CELF1: variants seen among roughly 807,000 people sequenced by gnomAD.
The protein encoded by CELF1 is CUGBP Elav-like family member 1, also known as 50 kDa nuclear polyadenylated RNA-binding protein.
In CELF1, 10 loss-of-function variants were observed where a neutral mutation model predicts 61.8. That is an observed-to-expected ratio of 0.16 (90% CI 0.10 to 0.27). The LOEUF is 0.27. Among genes scored for constraint, CELF1 ranks in the 10% least tolerant of loss-of-function variants. The probability of loss-of-function intolerance (pLI) is 1.00; values close to 1 mark genes in which losing one functional copy is unlikely to be tolerated. For missense variants in CELF1, 380 were observed against 639.1 expected (o/e 0.59, Z 4.37); for synonymous variants, 236 against 225.1 (o/e 1.05, Z -0.43).
In CELF1 at chr11:47,489,935, GTTTT is replaced by G. The variant is rs561900704; in HGVS notation, c.72-915_72-912del. ...GTTTCCACTCAGAACATACCATCTT[GTTTT>G]TTTTTTTTTTTTTTTTGAGACGGAA... On this transcript the variant is annotated intron_variant, in intron 3 of 14. Transcript: ENST00000687097. Among the ~76,000 whole-genome samples, 115 of 48,236 alleles carry G rather than the reference GTTTT, an allele frequency of 2.4e-3. 9 individuals are homozygous for G. The highest frequency in any genetic ancestry group is 0.028 in the Middle Eastern group (1 of 36). 31.6% of individuals were successfully genotyped at this position (48,236 alleles called of 152,430 possible).
intron 1 of CELF1, among the ~76,000 whole-genome samples, chr11:47,502,136 G>C (rs971497486): frequency 6.6e-6 from 1 of 152,152 alleles, no homozygotes; most frequent in Admixed American, 6.5e-5. Flanking sequence ...TTCAAAAGAA[G>C]TCTCCAGAGG....
intron 1 of CELF1, among the ~76,000 whole-genome samples, chr11:47,504,902 CAAA>C (rs374401044): frequency 1.0e-4 from 11 of 107,890 alleles, no homozygotes; most frequent in Admixed American, 2.0e-4. Context: ...ACTCTGTCAC[CAAA>C]AAAAAAAAAA....
chr11:47,486,423 T>G (rs1312174352), intron 6 of CELF1, among the ~76,000 whole-genome samples: 1 of 151,994 alleles, frequency 6.6e-6, no homozygotes. Context: ...ATCTTTTTTT[T>G]TTTTGAGACA....
chr11:47,506,964 C>T (rs1328702835), intron 1 of CELF1: 1 of 152,144 alleles, frequency 6.6e-6, no homozygotes, highest in Non-Finnish European at 1.5e-5. Context: ...CCAGATATAT[C>T]ACCTCTTTCC....
intron 1 of CELF1, among the ~76,000 whole-genome samples, chr11:47,502,176 A>G (rs1295493631): frequency 3.9e-5 from 6 of 152,216 alleles, no homozygotes. Context: ...GAAAATAGAA[A>G]GCAGGGCCCA....
At chr11:47,492,879 C>A (rs1047662685) in intron 3 of CELF1, among the ~76,000 whole-genome samples, 2 of 152,130 alleles carry the variant, frequency 1.3e-5, no homozygotes, top group Non-Finnish European at 2.9e-5. Flanking sequence ...TAACAAAGAA[C>A]CCCAATGGTG....
At chr11:47,563,575 G>C (rs1249396727) in intron 2 of CELF1, among the ~76,000 whole-genome samples, 1 of 152,168 alleles carries the variant, frequency 6.6e-6, no homozygotes, top group Non-Finnish European at 1.5e-5. Flanking sequence ...TGTAGTTCTA[G>C]CTACTGGGGA....
In CELF1 at chr11:47,469,023, T is replaced by G. The variant is rs2077138605; in HGVS notation, c.*3207A>C. The G allele has an allele frequency of 6.6e-6, 1 of 152,134 alleles. No individual in the cohort carries two copies. The highest frequency in any genetic ancestry group is 1.5e-5 in the Non-Finnish European group (1 of 68,080). The allele number at this position is 152,134 out of a possible 1,614,324, so 9.4% of individuals were successfully genotyped here. ...TGAAATGAGGTGGGCGGGCAGGGGT[T>G]GGGTAATGACAGGGAACTTTTGCAC... On this transcript the variant is annotated 3_prime_UTR_variant, in exon 15 of 15. Transcript: ENST00000687097.
At chr11:47,531,936 A>C (rs1445216974) in intron 1 of CELF1, among the ~76,000 whole-genome samples, 2 of 152,056 alleles carry the variant, frequency 1.3e-5, no homozygotes, top group African/African-American at 2.4e-5. Context: ...TTAAAGAATT[A>C]TTTTTCTTGT....
chr11:47,478,911 G>C lies in CELF1; in HGVS notation c.810C>G (p.Asn270Lys). The change falls in exon 10 of 15, where the codon AAC becomes AAG. Residue 270 changes from asparagine (N) to lysine (K), a missense_variant. Physicochemically the swap from Asn to Lys is moderately conservative, Grantham distance 94. Transcript: ENST00000687097. ...QLLQQTASSGNLNTLSSLHPM... is the reference protein window; with the variant it reads ...QLLQQTASSGKLNTLSSLHPM... ...GGTGGAGGCTGCTCAGGGTGTTGAG[G>C]TTCCCAGAGGAGGCAGTCTGCTGAA... 6.2e-7 allele frequency: 1 copy of C among 1,613,298 alleles called. No homozygotes were observed. The highest frequency in any genetic ancestry group is 8.5e-7 in the Non-Finnish European group (1 of 1,179,666).
At chr11:47,564,494 A>C (rs950596522) in intron 1 of CELF1, 39 of 150,506 alleles carry the variant, frequency 2.6e-4, no homozygotes, top group African/African-American at 9.1e-4. Context: ...AAAAACAAAA[A>C]ACAAAAACTC....
chr11:47,550,403 C>T (rs1165682450), intron 1 of CELF1, among the ~76,000 whole-genome samples: 1 of 152,014 alleles, frequency 6.6e-6, no homozygotes, highest in East Asian at 1.9e-4. Flanking sequence ...CAGTGGTGGG[C>T]GCCTGTAATC....
chr11:47,547,124 T>C (rs371354186), intron 1 of CELF1, among the ~76,000 whole-genome samples: 1 of 100,868 alleles, frequency 9.9e-6, no homozygotes, highest in Non-Finnish European at 2.1e-5. Flanking sequence ...TATTCAAAGA[T>C]AGGAAAATCT....
At chr11:47,546,094 TAG>T (rs2096938656) in intron 1 of CELF1, among the ~76,000 whole-genome samples, 1 of 151,538 alleles carries the variant, frequency 6.6e-6, no homozygotes, top group African/African-American at 2.4e-5. Context: ...GTATTTTTAG[TAG>T]AGACGGGGTT....
At chr11:47,536,735 G>A (rs1295587060) in intron 1 of CELF1, among the ~76,000 whole-genome samples, 4 of 152,196 alleles carry the variant, frequency 2.6e-5, no homozygotes, top group Admixed American at 6.5e-5. Flanking sequence ...TCCAGCCTGC[G>A]TGACAGAGTG....
At position 47,506,355 on chromosome 11, in the gene CELF1, AGGCGG is replaced by A. The variant is rs1358905902; in HGVS notation, c.-153-5428_-153-5424del. On this transcript the variant is annotated intron_variant, in intron 1 of 14. Transcript: ENST00000687097. Reference sequence around the variant, plus strand: ...GCCAGGAGAATTGCTTGAACCCGGGAGGCGGAGGGGTTGCAGTGAGCCAAGATCGC... The same window carrying A: ...GCCAGGAGAATTGCTTGAACCCGGGAAGGGGTTGCAGTGAGCCAAGATCGC... Among the ~76,000 whole-genome samples, 222 of 142,070 alleles carry A rather than the reference AGGCGG, an allele frequency of 1.6e-3. 4 individuals are homozygous for A. The highest frequency in any genetic ancestry group is 7.6e-3 in the Middle Eastern group (2 of 264). 93.2% of individuals were successfully genotyped at this position (142,070 alleles called of 152,430 possible). A position where few individuals can be genotyped will look rare whatever the true frequency, so the allele number is the denominator to read the frequency against.
At chr11:47,480,322 G>A (rs375124619) in intron 9 of CELF1, among the ~76,000 whole-genome samples, 3 of 152,126 alleles carry the variant, frequency 2.0e-5, no homozygotes, top group Admixed American at 1.3e-4. Context: ...CCTAACCTCA[G>A]GTGATTTGCC....
At position 47,472,285 on chromosome 11, in the gene CELF1, A is replaced by G; in HGVS notation, c.1490T>C (p.Met497Thr). ...IQSMNGFQIGMKRLKVQLKRS... is the reference protein window; with the variant it reads ...IQSMNGFQIGTKRLKVQLKRS... ...TTTGAGCTGCACTTTAAGCCGCTTC[A>G]TGCCAATCTGAAAGCCGTTCATGGA... The change falls in exon 15 of 15, where the codon ATG (methionine) becomes ACG (threonine). Residue 497 changes from methionine (M) to threonine (T), a missense_variant. Transcript: ENST00000687097. The G allele has an allele frequency of 6.2e-7, 1 of 1,614,202 alleles. No homozygotes were observed. Among genetic ancestry groups the G allele is most frequent in the African/African-American group, 1.3e-5 (1 of 75,048 alleles).
At chr11:47,516,515 C>T (rs2095560999) in intron 1 of CELF1, among the ~76,000 whole-genome samples, 2 of 152,048 alleles carry the variant, frequency 1.3e-5, no homozygotes, top group African/African-American at 2.4e-5. Flanking sequence ...ATTGCAGATC[C>T]TATGTTTATT....
Sources: allele counts gnomAD v4.1 joint callset (sites outside exome capture counted in the v4.1 genomes callset), GRCh38; gene constraint gnomAD v4.1.1; transcripts MANE v1.5; gene names NCBI Gene and HGNC (gene_info 2026-07-23, HGNC 2026-07-21).